PDE10A: variants seen among roughly 807,000 people sequenced by gnomAD.
PDE10A encodes the protein phosphodiesterase 10A.
A neutral mutation model predicts 97.7 loss-of-function variants in PDE10A; 39 were observed. That is an observed-to-expected ratio of 0.40 (90% CI 0.31 to 0.52). The LOEUF (loss-of-function observed/expected upper bound fraction) is 0.52. Ranked by LOEUF, PDE10A falls within the 20% of genes least tolerant of loss-of-function variation. PDE10A has a pLI of 0.56. For synonymous variants in PDE10A, 371 were observed against 376.8 expected, an observed-to-expected ratio of 0.98 and a Z score of 0.18; for missense variants, 731 against 1,047.8, an observed-to-expected ratio of 0.70 and a Z score of 4.17.
chr6:165,347,873 C>A (rs1782422116), intron 18 of PDE10A, among the ~76,000 whole-genome samples: 1 of 152,308 alleles, frequency 6.6e-6, no homozygotes, highest in Admixed American at 6.5e-5. Flanking sequence ...TAACACATCA[C>A]ATAGACACAT....
chr6:165,923,275 T>C (rs1055179443), intron 1 of PDE10A, among the ~76,000 whole-genome samples: 1 of 152,204 alleles, frequency 6.6e-6, no homozygotes, highest in Non-Finnish European at 1.5e-5. Flanking sequence ...AGCATAATTA[T>C]CCCTGGGAAA....
chr6:165,581,870 T>C (rs1785635072), intron 1 of PDE10A, among the ~76,000 whole-genome samples: 1 of 152,208 alleles, frequency 6.6e-6, no homozygotes, highest in African/African-American at 2.4e-5. Flanking sequence ...AGAGGAACAT[T>C]TGGACTAGAA....
intron 1 of PDE10A, among the ~76,000 whole-genome samples, chr6:165,892,557 G>C (rs1360648890): frequency 6.6e-6 from 1 of 152,172 alleles, no homozygotes; most frequent in Non-Finnish European, 1.5e-5. Context: ...CCCAAGGCAT[G>C]GGTGCATGCG....
chr6:165,679,920 C>G (rs1205993330), intron 1 of PDE10A, among the ~76,000 whole-genome samples: 2 of 151,920 alleles, frequency 1.3e-5, no homozygotes, highest in African/African-American at 2.4e-5. Flanking sequence ...GTTGAGTACT[C>G]TGGGACTCCC....
intron 1 of PDE10A, among the ~76,000 whole-genome samples, chr6:165,742,201 C>A (rs941744675): frequency 6.6e-6 from 1 of 152,166 alleles, no homozygotes; most frequent in Non-Finnish European, 1.5e-5. Context: ...CTAGTCTGTG[C>A]GCCTTCAAAA....
Position 165,753,594 on chromosome 6 carries a change from A to G in PDE10A, c.-614-210026T>C, listed in dbSNP as rs75255838. On this transcript the variant is annotated intron_variant, in intron 1 of 19. Transcript: ENST00000366882. ...TTACTTTAAAAATAGACATCATTTT[A>G]ATTTTAGTTTTTAGGGTTTTTTTTC... Among the ~76,000 whole-genome samples the G allele has an allele frequency of 9.6e-3, 1,461 of 152,344 alleles. 13 individuals are homozygous for G. The highest frequency in any genetic ancestry group is 0.015 in the Non-Finnish European group (1,017 of 68,026).
intron 1 of PDE10A, among the ~76,000 whole-genome samples, chr6:165,618,580 A>C (rs1787831638): frequency 6.6e-6 from 1 of 152,146 alleles, no homozygotes; most frequent in African/African-American, 2.4e-5. Flanking sequence ...GCCCTTTACC[A>C]TATGCAGGGC....
chr6:165,654,182 C>T (rs2128426940), intron 1 of PDE10A, among the ~76,000 whole-genome samples: 1 of 152,316 alleles, frequency 6.6e-6, no homozygotes, highest in East Asian at 1.9e-4. Flanking sequence ...CCCCTGTACA[C>T]CGGTACTGCA....
intron 1 of PDE10A, among the ~76,000 whole-genome samples, chr6:165,794,931 C>A (rs974970863): frequency 1.3e-5 from 2 of 152,222 alleles, no homozygotes; most frequent in South Asian, 4.1e-4. Flanking sequence ...CCTATTGTTT[C>A]GTGCTGCACA....
Position 165,750,724 on chromosome 6 carries a change from C to T in PDE10A, c.-614-207156G>A, listed in dbSNP as rs535864724. Among the ~76,000 whole-genome samples, 32 of 152,100 alleles carry T rather than the reference C, an allele frequency of 2.1e-4. No homozygotes were observed. In the South Asian group the frequency reaches 3.5e-3, roughly 17 times the overall value. The stretch of plus-strand genomic sequence containing the variant: ...ATGCAGGTACTTTTTGTCTCTGTTT[C>T]TGTTGGCCAGTTCCATTTCAGACTC... On this transcript the variant is annotated intron_variant, in intron 1 of 19. Transcript: ENST00000366882.
chr6:165,885,308 G>T (rs1214184103), intron 1 of PDE10A, among the ~76,000 whole-genome samples: 1 of 152,224 alleles, frequency 6.6e-6, no homozygotes, highest in Non-Finnish European at 1.5e-5. Flanking sequence ...AGGCAAAGGG[G>T]AAGTGGGCAC....
At position 165,958,498 on chromosome 6, in the gene PDE10A, C is replaced by G. The variant is rs137927592; in HGVS notation, c.-615+29031G>C. Among the ~76,000 whole-genome samples the G allele has an allele frequency of 1.4e-4, 8 of 57,712 alleles. 1 individual carries two copies. The highest frequency in any genetic ancestry group is 2.8e-4 in the Non-Finnish European group (8 of 28,964). 37.9% of individuals were successfully genotyped at this position (57,712 alleles called of 152,430 possible). On this transcript the variant is annotated intron_variant, in intron 1 of 19. Transcript: ENST00000366882. ...AAAGAAAGAGAGAAAGAGAGAAAGA[C>G]AAGAAAGAAAGAAAGAAAGAAAGAA...
intron 1 of PDE10A, among the ~76,000 whole-genome samples, chr6:165,566,420 C>T (rs562884062): frequency 1.5e-4 from 23 of 152,164 alleles, no homozygotes; most frequent in Non-Finnish European, 2.8e-4. Context: ...ACTGACAACA[C>T]CAAATGCCAG....
intron 1 of PDE10A, among the ~76,000 whole-genome samples, chr6:165,656,226 T>C (rs1486151143): frequency 6.9e-6 from 1 of 144,668 alleles, no homozygotes; most frequent in Non-Finnish European, 1.5e-5. Context: ...CTACTCCCAT[T>C]CCAACCCCAA....
intron 1 of PDE10A, among the ~76,000 whole-genome samples, chr6:165,913,144 T>C (rs1481787408): frequency 6.6e-6 from 1 of 152,168 alleles, no homozygotes; most frequent in East Asian, 1.9e-4. Context: ...TAAATAAGTG[T>C]TGTGTTTAGA....
intron 1 of PDE10A, among the ~76,000 whole-genome samples, chr6:165,648,116 C>A: frequency 6.6e-6 from 1 of 152,182 alleles, no homozygotes; most frequent in East Asian, 1.9e-4. Flanking sequence ...GGGTTCACGC[C>A]ATTCTCCTGC....
intron 1 of PDE10A, among the ~76,000 whole-genome samples, chr6:165,745,946 T>C (rs1325105914): frequency 6.6e-6 from 1 of 152,222 alleles, no homozygotes; most frequent in Non-Finnish European, 1.5e-5. Flanking sequence ...TGCTCCTTTT[T>C]TATATCTTAA....
At chr6:165,926,563 A>G (rs1259967882) in intron 1 of PDE10A, among the ~76,000 whole-genome samples, 1 of 152,216 alleles carries the variant, frequency 6.6e-6, no homozygotes, top group Non-Finnish European at 1.5e-5. Context: ...GACACACCCT[A>G]TGTTCACACT....
At chr6:165,644,181 G>A (rs1308850276) in intron 1 of PDE10A, among the ~76,000 whole-genome samples, 1 of 152,002 alleles carries the variant, frequency 6.6e-6, no homozygotes, top group Non-Finnish European at 1.5e-5. Flanking sequence ...TCAGCCTCCT[G>A]GGCAGCTGGG....
Sources: gnomAD v4.1 joint callset for allele counts (sites outside exome capture counted in the v4.1 genomes callset) on GRCh38, gnomAD v4.1.1 for gene constraint, MANE v1.5 for transcripts, NCBI Gene and HGNC (gene_info 2026-07-23, HGNC 2026-07-21) for gene names.